Variants in ADD1 observed in about 807,000 individuals in gnomAD.
ADD1 encodes alpha-adducin.
ADD1 carries 24 observed loss-of-function variants against 80.5 expected under a neutral mutation model. The ratio of observed to expected loss-of-function variants is 0.30; its 90% CI spans 0.22 to 0.42. The LOEUF (loss-of-function observed/expected upper bound fraction) is 0.42, where lower values mean the gene tolerates loss of function less well. ADD1 is among the 10% of genes least tolerant of loss of function. ADD1 has a pLI of 1.00. For synonymous variants in ADD1, 373 were observed against 393.8 expected (o/e 0.95, Z 0.63); for missense variants, 948 against 1,019.0 (o/e 0.93, Z 0.95).
At chr4:2,886,591 A>G (rs1193735360) in intron 4 of ADD1, among the ~76,000 whole-genome samples, 2 of 152,188 alleles carry the variant, frequency 1.3e-5, no homozygotes, top group Non-Finnish European at 2.9e-5. Flanking sequence ...TAAATTCCAC[A>G]GGGAGAGCGT....
Position 2,914,915 on chromosome 4 carries a change from T to C in ADD1, c.1823T>C (p.Ile608Thr), listed in dbSNP as rs761414463. The C allele has an allele frequency of 3.7e-6, 6 of 1,613,384 alleles. No homozygotes were observed. The highest frequency in any genetic ancestry group is 1.1e-5 in the South Asian group (1 of 90,984). The change falls in exon 14 of 16, where the codon ATT (isoleucine) becomes ACT (threonine). Residue 608 changes from isoleucine (I) to threonine (T), a missense_variant. Ile to Thr is a moderately conservative substitution (Grantham distance 89). Transcript: ENST00000683351. ...GELVTASKAI[I>T]EKEYQPHVIV... ...CTGGTGACGGCCTCCAAGGCCATCA[T>C]TGAAAAGGAGTACCAGCCCCACGTC...
rs1470805916 is a variant in ADD1, at chr4:2,882,041, G to A, written c.339G>A (p.Gly113=). 2 of 1,607,362 alleles carry A rather than the reference G, an allele frequency of 1.2e-6. No individual in the cohort carries two copies. The highest frequency in any genetic ancestry group is 3.4e-5 in the Admixed American group (2 of 58,004). The change falls in exon 3 of 16, where the codon GGG becomes GGA. Residue 113 remains glycine (G), a synonymous_variant. Transcript: ENST00000683351. ...PNVYPAAPQG[G]MAALNMSLGM... is the part of the protein sequence containing the mutation. Reference sequence around the variant, plus strand: ...TCTACCCAGCAGCTCCGCAAGGAGGGATGGCTGCCTTAAACATGAGTGAGT... The same window carrying A: ...TCTACCCAGCAGCTCCGCAAGGAGGAATGGCTGCCTTAAACATGAGTGAGT...
chr4:2,903,646 C>T (rs1232739486), intron 9 of ADD1, among the ~76,000 whole-genome samples: 1 of 152,226 alleles, frequency 6.6e-6, no homozygotes, highest in African/African-American at 2.4e-5. Context: ...TTCTGTGATA[C>T]AGCCCATCAT....
At chr4:2,900,971 A>C (rs997258821) in intron 9 of ADD1, 1 of 152,384 alleles carries the variant, frequency 6.6e-6, no homozygotes, top group African/African-American at 2.4e-5. Context: ...TGCCCCTGTG[A>C]TCTGTGCAGT....
intron 14 of ADD1, among the ~76,000 whole-genome samples, chr4:2,923,433 C>G (rs1359883590): frequency 1.3e-5 from 2 of 152,242 alleles, no homozygotes; most frequent in Non-Finnish European, 2.9e-5. Flanking sequence ...AGGCAACACC[C>G]CACCCTGCTT....
intron 13 of ADD1, among the ~76,000 whole-genome samples, chr4:2,911,507 G>T (rs1448671972): frequency 6.7e-6 from 1 of 150,118 alleles, no homozygotes; most frequent in Non-Finnish European, 1.5e-5. Flanking sequence ...AGTGTGGTCG[G>T]GCTGTCTTGG....
chr4:2,856,957 G>A (rs1320787578), intron 1 of ADD1, among the ~76,000 whole-genome samples: 1 of 150,946 alleles, frequency 6.6e-6, no homozygotes, highest in Admixed American at 6.6e-5. Flanking sequence ...TTGTCGCCCA[G>A]GCTGGAGTGC....
At chr4:2,906,505 A>G (rs1471297749) in intron 10 of ADD1, among the ~76,000 whole-genome samples, 3 of 152,304 alleles carry the variant, frequency 2.0e-5, no homozygotes, top group South Asian at 4.1e-4. Flanking sequence ...TTTATTTACC[A>G]TTAGCTTGCA....
At chr4:2,854,471 G>A (rs148096699) in intron 1 of ADD1, among the ~76,000 whole-genome samples, 5 of 152,304 alleles carry the variant, frequency 3.3e-5, no homozygotes, top group African/African-American at 1.2e-4. Flanking sequence ...CTTGAGCAAT[G>A]TGGTAGATTA....
intron 1 of ADD1, among the ~76,000 whole-genome samples, chr4:2,866,460 G>C (rs1729569822): frequency 6.6e-6 from 1 of 151,696 alleles, no homozygotes; most frequent in African/African-American, 2.4e-5. Flanking sequence ...ACAGGCGTCA[G>C]CCTCTGTGCC....
At chr4:2,911,104 A>G (rs1386950187) in intron 13 of ADD1, among the ~76,000 whole-genome samples, 2 of 152,242 alleles carry the variant, frequency 1.3e-5, no homozygotes, top group East Asian at 1.9e-4. Flanking sequence ...ATGGAGCTGC[A>G]TGTTGAGAAG....
chr4:2,871,780 C>G (rs903910640), intron 1 of ADD1, among the ~76,000 whole-genome samples: 4 of 152,172 alleles, frequency 2.6e-5, no homozygotes, highest in African/African-American at 9.7e-5. Context: ...AGAAACATTT[C>G]TGTATCTAAT....
At chr4:2,850,658 C>G (rs1726944150) in intron 1 of ADD1, among the ~76,000 whole-genome samples, 1 of 152,216 alleles carries the variant, frequency 6.6e-6, no homozygotes, top group African/African-American at 2.4e-5. Context: ...ATCTCCTGAC[C>G]TCATGATCCG....
chr4:2,922,832 C>T (rs1236487776), intron 14 of ADD1, among the ~76,000 whole-genome samples: 6 of 152,328 alleles, frequency 3.9e-5, no homozygotes, highest in East Asian at 1.9e-4. Flanking sequence ...AGAGATGCCC[C>T]GCCCAGGGAG....
At chr4:2,903,095 C>G (rs1371886896) in intron 9 of ADD1, among the ~76,000 whole-genome samples, 1 of 151,818 alleles carries the variant, frequency 6.6e-6, no homozygotes, top group Admixed American at 6.6e-5. Context: ...AGATGGCCCC[C>G]AAAAAAGAGC....
chr4:2,901,621 T>G (rs1736187108), intron 9 of ADD1: 2 of 152,182 alleles, frequency 1.3e-5, no homozygotes, highest in Non-Finnish European at 2.9e-5. Context: ...TGCTAATAAC[T>G]GAGTAGAGAA....
At chr4:2,902,396 A>G (rs1157220590) in intron 9 of ADD1, 1 of 152,222 alleles carries the variant, frequency 6.6e-6, no homozygotes, top group Non-Finnish European at 1.5e-5. Context: ...GAGGACAATT[A>G]TGAAAATAAA....
At chr4:2,864,211 G>A (rs984299149) in intron 1 of ADD1, among the ~76,000 whole-genome samples, 2 of 152,112 alleles carry the variant, frequency 1.3e-5, no homozygotes, top group Admixed American at 1.3e-4. Flanking sequence ...TCAGGAGTTC[G>A]AGAACAGCCT....
At chr4:2,880,797 A>G (rs1231569117) in intron 2 of ADD1, among the ~76,000 whole-genome samples, 1 of 151,900 alleles carries the variant, frequency 6.6e-6, no homozygotes, top group Non-Finnish European at 1.5e-5. Context: ...TTTGCAGGGT[A>G]TGTGAAAAAA....
Sources: gnomAD v4.1 joint callset for allele counts (sites outside exome capture counted in the v4.1 genomes callset) on GRCh38, gnomAD v4.1.1 for gene constraint, MANE v1.5 for transcripts, NCBI Gene and HGNC (gene_info 2026-07-23, HGNC 2026-07-21) for gene names.